Variants in PLCB1 observed in about 807,000 individuals in gnomAD.
PLCB1 encodes the protein 1-phosphatidylinositol 4,5-bisphosphate phosphodiesterase beta-1.
PLCB1 carries 46 observed loss-of-function variants against 161.8 expected under a neutral mutation model. The observed-to-expected ratio is 0.28, with a 90% CI of 0.22 to 0.36. The LOEUF is 0.36. Among genes scored for constraint, PLCB1 ranks in the 10% least tolerant of loss-of-function variants. PLCB1 has a pLI of 1.00. For synonymous variants in PLCB1, 517 were observed against 503.7 expected, an observed-to-expected ratio of 1.03 and a Z score of -0.35; for missense variants, 1,016 against 1,472.5, an observed-to-expected ratio of 0.69 and a Z score of 5.07.
chr20:8,351,670 T>G (rs1381435922), intron 2 of PLCB1, among the ~76,000 whole-genome samples: 1 of 151,978 alleles, frequency 6.6e-6, no homozygotes, highest in Admixed American at 6.6e-5. Context: ...AAATTAATAT[T>G]TGGCAAAACA....
intron 2 of PLCB1, among the ~76,000 whole-genome samples, chr20:8,176,834 A>G (rs1049814209): frequency 6.6e-6 from 1 of 152,196 alleles, no homozygotes; most frequent in African/African-American, 2.4e-5. Flanking sequence ...TAAAATTTCA[A>G]TGAAATTAAA....
At chr20:8,661,925 C>A (rs1172528496) in intron 9 of PLCB1, among the ~76,000 whole-genome samples, 2 of 44,186 alleles carry the variant, frequency 4.5e-5, no homozygotes, top group Non-Finnish European at 1.0e-4. Context: ...TAGAGATTTG[C>A]ACTCCTCTTA....
At chr20:8,244,730 A>G (rs1388490262) in intron 2 of PLCB1, among the ~76,000 whole-genome samples, 1 of 151,932 alleles carries the variant, frequency 6.6e-6, no homozygotes, top group African/African-American at 2.4e-5. Context: ...CAGTAAAAGT[A>G]TGAAATATAT....
intron 23 of PLCB1, among the ~76,000 whole-genome samples, chr20:8,744,645 TAAAATAAAATA>T (rs1428241360): frequency 4.2e-4 from 62 of 148,930 alleles, no homozygotes; most frequent in African/African-American, 1.5e-3. Flanking sequence ...TAAAATAAAA[TAAAATAAAATA>T]AAAAAATAAA....
chr20:8,469,431 T>C (rs1981957268), intron 3 of PLCB1, among the ~76,000 whole-genome samples: 1 of 152,192 alleles, frequency 6.6e-6, no homozygotes, highest in Admixed American at 6.5e-5. Context: ...TCACAAATTG[T>C]CATTTCATTA....
chr20:8,257,864 A>G (rs1326940673), intron 2 of PLCB1, among the ~76,000 whole-genome samples: 1 of 152,138 alleles, frequency 6.6e-6, no homozygotes, highest in Non-Finnish European at 1.5e-5. Context: ...AGCTTGAGGT[A>G]TTGGATGAAT....
At chr20:8,703,243 T>G (rs1371802503) in intron 11 of PLCB1, among the ~76,000 whole-genome samples, 2 of 152,218 alleles carry the variant, frequency 1.3e-5, no homozygotes, top group Non-Finnish European at 2.9e-5. Flanking sequence ...ATAACCCTAC[T>G]TAATACACAA....
intron 4 of PLCB1, among the ~76,000 whole-genome samples, chr20:8,630,005 T>C (rs77297816): frequency 0.03 from 3,649 of 122,912 alleles, 98 homozygotes; most frequent in South Asian, 0.077. Flanking sequence ...TTTCTTTCTT[T>C]CTTTCTCTTT....
intron 2 of PLCB1, among the ~76,000 whole-genome samples, chr20:8,276,516 A>T (rs1982552848): frequency 6.6e-6 from 1 of 152,144 alleles, no homozygotes; most frequent in Admixed American, 6.6e-5. Flanking sequence ...TTTCATTGTT[A>T]TGTCATACAA....
At chr20:8,584,141 A>AT (rs1309162331) in intron 3 of PLCB1, among the ~76,000 whole-genome samples, 1 of 152,104 alleles carries the variant, frequency 6.6e-6, no homozygotes, top group Non-Finnish European at 1.5e-5. Context: ...GCTTTGAACA[A>AT]TTTTTTTGCT....
At chr20:8,800,816 C>G (rs1432311234) in intron 31 of PLCB1, among the ~76,000 whole-genome samples, 1 of 151,870 alleles carries the variant, frequency 6.6e-6, no homozygotes, top group African/African-American at 2.4e-5. Context: ...ACCAAAAAAC[C>G]CTAGGACTTG....
intron 3 of PLCB1, among the ~76,000 whole-genome samples, chr20:8,485,186 G>T (rs982745295): frequency 6.6e-6 from 1 of 152,160 alleles, no homozygotes; most frequent in African/African-American, 2.4e-5. Flanking sequence ...AATCTGGAGG[G>T]TTCTATTAGA....
At chr20:8,739,692 ATGTC>A (rs1323771439) in intron 21 of PLCB1, among the ~76,000 whole-genome samples, 2 of 152,172 alleles carry the variant, frequency 1.3e-5, no homozygotes, top group Admixed American at 1.3e-4. Flanking sequence ...GGTTGGGTCT[ATGTC>A]TGTCCCACAT....
At chr20:8,513,992 T>C (rs956910891) in intron 3 of PLCB1, among the ~76,000 whole-genome samples, 3 of 151,810 alleles carry the variant, frequency 2.0e-5, no homozygotes, top group East Asian at 1.9e-4. Flanking sequence ...TGCCACCCCA[T>C]TCCAGCCTGG....
At chr20:8,668,890 C>T (rs151068543) in intron 9 of PLCB1, among the ~76,000 whole-genome samples, 676 of 152,336 alleles carry the variant, frequency 4.4e-3, no homozygotes, top group Non-Finnish European at 6.7e-3. Context: ...TAACAAGAAT[C>T]TCCAGCATAT....
intron 3 of PLCB1, among the ~76,000 whole-genome samples, chr20:8,411,805 C>T (rs1331132575): frequency 1.3e-5 from 2 of 152,186 alleles, no homozygotes; most frequent in African/African-American, 4.8e-5. Context: ...CAGTGGATCA[C>T]CTGTGGTCAG....
At chr20:8,824,801 G>A (rs1200285937) in intron 31 of PLCB1, among the ~76,000 whole-genome samples, 2 of 152,078 alleles carry the variant, frequency 1.3e-5, no homozygotes, top group African/African-American at 4.8e-5. Context: ...AAAAATAATT[G>A]GGGAATATGA....
At chr20:8,693,646 G>A (rs1190824505) in intron 10 of PLCB1, among the ~76,000 whole-genome samples, 1 of 152,172 alleles carries the variant, frequency 6.6e-6, no homozygotes, top group Non-Finnish European at 1.5e-5. Flanking sequence ...GGAGGTTGAA[G>A]GGAAGACAAT....
At position 8,649,422 on chromosome 20, in the gene PLCB1, A is replaced by G; in HGVS notation, c.567A>G (p.Leu189=). ...ATCGGAAGCGAGTTGAAACTGCTTTAGAGGCTTGTAGTCTTCCATCTTCAA... is the reference window on the plus strand; with the variant it reads ...ATCGGAAGCGAGTTGAAACTGCTTTGGAGGCTTGTAGTCTTCCATCTTCAA... ...SADRKRVETA[L]EACSLPSSRN... The change falls in exon 7 of 32, where the codon TTA becomes TTG. Residue 189 remains leucine (L), a synonymous_variant. Coordinates refer to ENST00000338037, the MANE Select transcript of PLCB1 (RefSeq NM_015192.4). 6.2e-7 allele frequency: 1 copy of G among 1,612,864 alleles called. No homozygotes were observed. The highest frequency in any genetic ancestry group is 8.5e-7 in the Non-Finnish European group (1 of 1,178,916).
Sources: allele counts gnomAD v4.1 joint callset (sites outside exome capture counted in the v4.1 genomes callset), GRCh38; gene constraint gnomAD v4.1.1; transcripts MANE v1.5; gene names NCBI Gene and HGNC (gene_info 2026-07-23, HGNC 2026-07-21).